GPC6: variants seen among roughly 807,000 people sequenced by gnomAD.
The protein encoded by GPC6 is glypican-6.
Under a neutral mutation model 55.2 loss-of-function variants are expected in GPC6, and 14 were observed. The ratio of observed to expected loss-of-function variants is 0.25; its 90% CI spans 0.17 to 0.40. The LOEUF (loss-of-function observed/expected upper bound fraction) is 0.40, where lower values mean the gene tolerates loss of function less well. Ranked by LOEUF, GPC6 falls within the 10% of genes least tolerant of loss-of-function variation. The pLI, the probability that GPC6 is intolerant of heterozygous loss-of-function variation, is 1.00. For synonymous variants in GPC6, 278 were observed against 259.6 expected, an observed-to-expected ratio of 1.07 and a Z score of -0.68; for missense variants, 641 against 708.5, an observed-to-expected ratio of 0.90 and a Z score of 1.08.
At chr13:93,504,806 T>C (rs1816904238) in intron 1 of GPC6, among the ~76,000 whole-genome samples, 1 of 152,210 alleles carries the variant, frequency 6.6e-6, no homozygotes, top group South Asian at 2.1e-4. Flanking sequence ...AAAGAAATTT[T>C]CTGTATGGTG....
At chr13:93,528,487 G>C (rs561864633) in intron 1 of GPC6, among the ~76,000 whole-genome samples, 10 of 152,218 alleles carry the variant, frequency 6.6e-5, no homozygotes, top group South Asian at 2.1e-4. Context: ...ATTACTGTTT[G>C]CCATGGTTTG....
At chr13:93,517,785 T>G (rs1489564653) in intron 1 of GPC6, among the ~76,000 whole-genome samples, 1 of 152,008 alleles carries the variant, frequency 6.6e-6, no homozygotes, top group East Asian at 1.9e-4. Flanking sequence ...TACAAATCTT[T>G]CTTTGGGTAG....
intron 2 of GPC6, among the ~76,000 whole-genome samples, chr13:93,656,495 A>G (rs1880674285): frequency 6.6e-6 from 1 of 152,144 alleles, no homozygotes; most frequent in Non-Finnish European, 1.5e-5. Flanking sequence ...TTATATTTCT[A>G]CATATGGTTT....
chr13:93,851,316 C>T (rs1052610323), intron 3 of GPC6, among the ~76,000 whole-genome samples: 1 of 151,910 alleles, frequency 6.6e-6, no homozygotes, highest in African/African-American at 2.4e-5. Flanking sequence ...GTTAAATACA[C>T]GTTACTGCCA....
chr13:93,304,801 T>G (rs1019575849), intron 1 of GPC6, among the ~76,000 whole-genome samples: 12 of 151,880 alleles, frequency 7.9e-5, no homozygotes, highest in African/African-American at 2.9e-4. Context: ...ATATTTAGGG[T>G]TGGGGGATGA....
intron 2 of GPC6, among the ~76,000 whole-genome samples, chr13:93,559,029 G>A (rs909121434): frequency 3.9e-5 from 6 of 152,178 alleles, no homozygotes; most frequent in African/African-American, 1.4e-4. Flanking sequence ...ACATTCAGCA[G>A]TGGTTGTGGG....
intron 3 of GPC6, among the ~76,000 whole-genome samples, chr13:93,960,801 AT>A (rs541680060): frequency 0.062 from 7,729 of 124,414 alleles, 257 homozygotes; most frequent in South Asian, 0.1. Flanking sequence ...TATTGCTGGA[AT>A]TTTTTTTTTT....
At chr13:94,382,954 T>G (rs1320973805) in intron 7 of GPC6, among the ~76,000 whole-genome samples, 1 of 152,164 alleles carries the variant, frequency 6.6e-6, no homozygotes, top group Non-Finnish European at 1.5e-5. Flanking sequence ...AATTCAACTG[T>G]TTTTTTCACT....
intron 2 of GPC6, among the ~76,000 whole-genome samples, chr13:93,600,368 C>T (rs1323095574): frequency 6.6e-6 from 1 of 152,130 alleles, no homozygotes; most frequent in Non-Finnish European, 1.5e-5. Flanking sequence ...CAGGTCAAAG[C>T]ATTTGTTGAA....
chr13:93,351,074 G>A (rs932732867), intron 1 of GPC6, among the ~76,000 whole-genome samples: 4 of 152,004 alleles, frequency 2.6e-5, no homozygotes, highest in African/African-American at 7.2e-5. Flanking sequence ...ATACTACTTG[G>A]TATGGACAGA....
chr13:93,271,076 T>G (rs1197973608), intron 1 of GPC6, among the ~76,000 whole-genome samples: 4 of 151,846 alleles, frequency 2.6e-5, no homozygotes, highest in African/African-American at 9.7e-5. Flanking sequence ...GGGCAGGGAG[T>G]GTTTGTGTTG....
intron 1 of GPC6, among the ~76,000 whole-genome samples, chr13:93,434,017 A>T (rs76281832): frequency 0.012 from 1,837 of 152,266 alleles, 46 homozygotes; most frequent in African/African-American, 0.042. Flanking sequence ...ATAAAATAGG[A>T]TAATATGTAC....
chr13:93,774,152 A>G (rs1378961352), intron 2 of GPC6, among the ~76,000 whole-genome samples: 1 of 152,230 alleles, frequency 6.6e-6, no homozygotes. Context: ...CCAGATATGT[A>G]TAGACCAATT....
intron 1 of GPC6, among the ~76,000 whole-genome samples, chr13:93,469,804 T>G (rs916232967): frequency 1.3e-5 from 2 of 152,218 alleles, no homozygotes; most frequent in Non-Finnish European, 2.9e-5. Flanking sequence ...TTTTTGTTGT[T>G]GGTGGTGGTG....
intron 4 of GPC6, among the ~76,000 whole-genome samples, chr13:94,090,278 G>A (rs140419587): frequency 2.6e-5 from 4 of 152,012 alleles, no homozygotes; most frequent in African/African-American, 9.7e-5. Flanking sequence ...ACCGGCCCCT[G>A]TGATTTAATT....
chr13:93,657,143 A>G (rs1880709001), intron 2 of GPC6, among the ~76,000 whole-genome samples: 1 of 152,062 alleles, frequency 6.6e-6, no homozygotes, highest in African/African-American at 2.4e-5. Context: ...AAATAGCCAA[A>G]GCAATCCCAA....
intron 3 of GPC6, among the ~76,000 whole-genome samples, chr13:94,011,518 A>G (rs749717495): frequency 1.3e-5 from 2 of 152,086 alleles, no homozygotes; most frequent in Admixed American, 6.6e-5. Context: ...AATACTGAAA[A>G]TACTGAAAGG....
intron 3 of GPC6, among the ~76,000 whole-genome samples, chr13:93,952,845 T>C (rs1034086668): frequency 7.1e-6 from 1 of 141,204 alleles, no homozygotes; most frequent in Non-Finnish European, 1.5e-5. Context: ...ATATCACACA[T>C]ATATATACGT....
intron 2 of GPC6, among the ~76,000 whole-genome samples, chr13:93,793,611 A>T (rs1314843130): frequency 6.6e-6 from 1 of 152,202 alleles, no homozygotes; most frequent in Non-Finnish European, 1.5e-5. Context: ...GTTAATGTAA[A>T]TGTGAATATC....
Sources: gnomAD v4.1 joint callset for allele counts (sites outside exome capture counted in the v4.1 genomes callset) on GRCh38, gnomAD v4.1.1 for gene constraint, MANE v1.5 for transcripts, NCBI Gene and HGNC (gene_info 2026-07-23, HGNC 2026-07-21) for gene names.